GATB: variants seen among roughly 807,000 people sequenced by gnomAD.
GATB encodes glutamyl-tRNA(Gln) amidotransferase subunit B, mitochondrial.
A neutral mutation model predicts 62.3 loss-of-function variants in GATB; 39 were observed. The observed-to-expected ratio is 0.63, with a 90% CI of 0.48 to 0.82. The LOEUF is 0.82. GATB is among the 40% of genes least tolerant of loss of function. The pLI, the probability that GATB is intolerant of heterozygous loss-of-function variation, is 0.00. For missense variants in GATB, 670 were observed against 684.0 expected (o/e 0.98, Z 0.23); for synonymous variants, 276 against 258.9 (o/e 1.07, Z -0.63).
rs1560847741 is a variant in GATB at position 151,697,965 on chromosome 4, A to ATATATATATATATATGTG, written c.1197+3363_1197+3364insCACATATATATATATATA. Among the ~76,000 whole-genome samples, 139 of 109,006 alleles carry ATATATATATATATATGTG rather than the reference A, an allele frequency of 1.3e-3. 4 individuals are homozygous for ATATATATATATATATGTG. Among genetic ancestry groups the ATATATATATATATATGTG allele is most frequent in the African/African-American group, 5.9e-3 (118 of 20,096 alleles). 71.5% of individuals were successfully genotyped at this position (109,006 alleles called of 152,430 possible). A position where few individuals can be genotyped will look rare whatever the true frequency, so the allele number is the denominator to read the frequency against. On this transcript the variant is annotated intron_variant, in intron 9 of 12. Coordinates refer to ENST00000263985, the MANE Select transcript of GATB (RefSeq NM_004564.3). ...TGTGTGTGTGTGTGTATATATATAT[A>ATATATATATATATATGTG]TATATATATATATATATATATATAT...
intron 7 of GATB, among the ~76,000 whole-genome samples, chr4:151,704,134 C>T (rs1381440717): frequency 4.0e-5 from 6 of 151,220 alleles, no homozygotes; most frequent in Non-Finnish European, 1.5e-5. Context: ...TTTCAGCCAG[C>T]TCAAACTCGG....
chr4:151,671,977 C>T (rs1056665100), intron 12 of GATB, among the ~76,000 whole-genome samples: 1 of 152,224 alleles, frequency 6.6e-6, no homozygotes, highest in Non-Finnish European at 1.5e-5. Context: ...AAACTACTGG[C>T]ACGTCTTTAT....
In GATB at chr4:151,686,145, C is replaced by A. The variant is rs186839637; in HGVS notation, c.1331+2485G>T. Among the ~76,000 whole-genome samples, 31 of 152,232 alleles carry A rather than the reference C, an allele frequency of 2.0e-4. No homozygotes were observed. The East Asian group carries it at 6.0e-3, about 29-fold the overall frequency. ...GGTGCTCTGGTATTCAGCACACCAC[C>A]CTGGCAAAGAGAAGGTGGCTCACAC... On this transcript the variant is annotated intron_variant, in intron 10 of 12. Coordinates refer to ENST00000263985, the MANE Select transcript of GATB (RefSeq NM_004564.3).
In GATB at chr4:151,685,529, G is replaced by T. The variant is rs141105531; in HGVS notation, c.1331+3101C>A. Among the ~76,000 whole-genome samples the T allele has an allele frequency of 3.9e-3, 600 of 152,178 alleles. 5 individuals are homozygous for T. The highest frequency in any genetic ancestry group is 0.014 in the African/African-American group (565 of 41,504). On this transcript the variant is annotated intron_variant, in intron 10 of 12. Transcript: ENST00000263985. ...TCCACCCTCTGCTCCTGCCAGCTACGCTCCTCTCCTTCCCAATCATTCCAG... is the reference window on the plus strand; with the variant it reads ...TCCACCCTCTGCTCCTGCCAGCTACTCTCCTCTCCTTCCCAATCATTCCAG...
rs186421483 is a variant in GATB, at chr4:151,697,832, G to A, written c.1197+3497C>T. ...GGAGAATGGCGTGAACCTGGGAGGC[G>A]GAGCTTGCAGTGAGCCAAGATGGCG... is the stretch of plus-strand genomic sequence containing the variant. On this transcript the variant is annotated intron_variant, in intron 9 of 12. Coordinates refer to ENST00000263985, the MANE Select transcript of GATB (RefSeq NM_004564.3). 2.9e-3 allele frequency among the ~76,000 whole-genome samples: 431 copies of A among 148,462 alleles called. 2 individuals carry two copies. The highest frequency in any genetic ancestry group is 9.7e-3 in the African/African-American group (392 of 40,474).
chr4:151,744,745 G>A (rs112864267), intron 2 of GATB, among the ~76,000 whole-genome samples: 16 of 152,258 alleles, frequency 1.1e-4, no homozygotes, highest in African/African-American at 3.4e-4. Flanking sequence ...AAAGATCTAT[G>A]GCAGGGAAGG....
chr4:151,693,290 G>C (rs919961449), intron 9 of GATB, among the ~76,000 whole-genome samples: 1 of 152,236 alleles, frequency 6.6e-6, no homozygotes, highest in Non-Finnish European at 1.5e-5. Context: ...GTCAGGGCAA[G>C]GCTAAGGACT....
At chr4:151,760,526 G>A (rs1028946604) in intron 1 of GATB, among the ~76,000 whole-genome samples, 3 of 152,132 alleles carry the variant, frequency 2.0e-5, no homozygotes, top group Non-Finnish European at 4.4e-5. Context: ...TAAGATGACC[G>A]AATCCACTCT....
intron 10 of GATB, among the ~76,000 whole-genome samples, chr4:151,686,730 G>A (rs1278990710): frequency 1.4e-5 from 2 of 139,464 alleles, no homozygotes; most frequent in South Asian, 2.2e-4. Flanking sequence ...CTCTGTGCAC[G>A]CTTCCCAGTT....
At chr4:151,686,652 G>GCCCCGGCCC (rs1312222191) in intron 10 of GATB, among the ~76,000 whole-genome samples, 1 of 70,922 alleles carries the variant, frequency 1.4e-5, no homozygotes, top group African/African-American at 6.3e-5. Context: ...TCCCCGCCCC[G>GCCCCGGCCC]CCCCCCCCCC....
chr4:151,673,861 G>A (rs1228669851), intron 11 of GATB: 1 of 152,180 alleles, frequency 6.6e-6, no homozygotes, highest in Non-Finnish European at 1.5e-5. Flanking sequence ...TGTTACCTTG[G>A]TGGCCGAGAA....
At chr4:151,698,191 T>A (rs1428910272) in intron 9 of GATB, among the ~76,000 whole-genome samples, 1 of 151,686 alleles carries the variant, frequency 6.6e-6, no homozygotes, top group Non-Finnish European at 1.5e-5. Flanking sequence ...TAACATCCCA[T>A]TCACTCACCC....
At chr4:151,677,416 C>G (rs1268032020) in intron 11 of GATB, 1 of 152,174 alleles carries the variant, frequency 6.6e-6, no homozygotes, top group East Asian at 1.9e-4. Flanking sequence ...CAACTGGAAC[C>G]CTTGCACACT....
Position 151,672,769 on chromosome 4 carries a change from G to A in GATB, c.1538C>T (p.Pro513Leu), listed in dbSNP as rs1302696299. The stretch of plus-strand genomic sequence containing the variant: ...CCTGCCCGAGATAGTCACCACTTGA[G>A]GATGGGCCTCCATCACAGAGTGGCA... ...QLCHSVMEAH[P>L]QVVMDVKNRN... Residue 513 changes from proline to leucine, a missense_variant, in exon 12 of 13, where the codon CCT becomes CTT. Transcript: ENST00000263985. The A allele has an allele frequency of 3.1e-6, 5 of 1,614,088 alleles. No individual in the cohort carries two copies. The highest frequency in any genetic ancestry group is 4.2e-6 in the Non-Finnish European group (5 of 1,179,972).
intron 2 of GATB, among the ~76,000 whole-genome samples, chr4:151,739,365 C>G (rs762303076): frequency 1.3e-5 from 2 of 152,160 alleles, no homozygotes; most frequent in Non-Finnish European, 2.9e-5. Context: ...CTACCCATGC[C>G]AGAATCACCA....
chr4:151,756,900 G>T (rs1197660561), intron 2 of GATB, among the ~76,000 whole-genome samples: 1 of 152,126 alleles, frequency 6.6e-6, no homozygotes, highest in Non-Finnish European at 1.5e-5. Context: ...ACTGTAATAA[G>T]TATGGCCTGA....
At chr4:151,704,493 G>A (rs577047084) in intron 7 of GATB, among the ~76,000 whole-genome samples, 8 of 151,410 alleles carry the variant, frequency 5.3e-5, no homozygotes, top group South Asian at 2.1e-4. Context: ...TTGCTCTGTC[G>A]CCCAGGCTGG....
chr4:151,708,079 G>A lies in GATB; in HGVS notation c.786C>T (p.Ala262=). 6.2e-7 allele frequency: 1 copy of A among 1,613,178 alleles called. No individual in the cohort carries two copies. The highest frequency in any genetic ancestry group is 1.1e-5 in the South Asian group (1 of 91,034). The change falls in exon 6 of 13, where the codon GCC becomes GCT. Residue 262 remains alanine, a synonymous_variant. Transcript: ENST00000263985. The stretch of plus-strand genomic sequence containing the variant: ...CCCCAGGGTGATGCACGGATATATT[G>A]GCATCCACTCTCAACTGGCCCTCTG... ...NMAEGQLRVD[A]NISVHHPGEP...
chr4:151,677,399 C>T (rs1425065884), intron 11 of GATB: 1 of 152,200 alleles, frequency 6.6e-6, no homozygotes, highest in Non-Finnish European at 1.5e-5. Context: ...CTGGTGAGGA[C>T]ATGGAGCAAC....
Sources: gnomAD v4.1 joint callset for allele counts (sites outside exome capture counted in the v4.1 genomes callset) on GRCh38, gnomAD v4.1.1 for gene constraint, MANE v1.5 for transcripts, NCBI Gene and HGNC (gene_info 2026-07-23, HGNC 2026-07-21) for gene names.